The following SYTL5 variants were observed in gnomAD, a reference collection of about 807,000 sequenced individuals.
SYTL5 encodes the protein synaptotagmin like 5, also known as synaptotagmin-like protein 5.
SYTL5 carries 34 observed loss-of-function variants against 55.9 expected under a neutral mutation model. That is an observed-to-expected ratio of 0.61 (90% CI 0.46 to 0.81). The LOEUF (loss-of-function observed/expected upper bound fraction) is 0.81. SYTL5 is among the 30% of genes least tolerant of loss of function. SYTL5 has a pLI of 0.00. For missense variants in SYTL5, 637 were observed against 546.7 expected (o/e 1.17, Z -1.65); for synonymous variants, 221 against 188.7 (o/e 1.17, Z -1.40).
chrX:38,093,578 C>T (rs942114827), intron 7 of SYTL5, among the ~76,000 whole-genome samples: 2 of 110,760 alleles, frequency 1.8e-5, no homozygotes, highest in Admixed American at 9.6e-5. Flanking sequence ...TGGTCATGGG[C>T]GAAGTCGGGA....
chrX:37,997,215 C>G, the SYTL5 span, among the ~76,000 whole-genome samples: 1 of 112,414 alleles, frequency 8.9e-6, no homozygotes, highest in Non-Finnish European at 1.9e-5. Flanking sequence ...GAGCCATGAC[C>G]AGGGCTGCAC....
intron 6 of SYTL5, among the ~76,000 whole-genome samples, chrX:38,083,345 G>A (rs988969391): frequency 4.5e-5 from 5 of 111,792 alleles, no homozygotes; most frequent in African/African-American, 1.6e-4. Context: ...ATTTTAGAGG[G>A]AGTCTTCTTA....
chrX:38,098,235 C>T (rs1936987860), intron 9 of SYTL5, among the ~76,000 whole-genome samples: 1 of 111,187 alleles, frequency 9.0e-6, no homozygotes, highest in Non-Finnish European at 1.9e-5. Flanking sequence ...CTTCAAAAGA[C>T]ACCACTACAG....
chrX:37,938,026 A>G, the SYTL5 span, among the ~76,000 whole-genome samples: 3 of 112,261 alleles, frequency 2.7e-5, no homozygotes, highest in Admixed American at 2.8e-4. Context: ...TACATAGATG[A>G]TTGGGGGAAT....
the SYTL5 span, among the ~76,000 whole-genome samples, chrX:37,948,304 T>C: frequency 9.0e-6 from 1 of 110,737 alleles, no homozygotes; most frequent in Non-Finnish European, 1.9e-5. Context: ...TTAGTTGTTC[T>C]AGAATTTAAA....
intron 3 of SYTL5, among the ~76,000 whole-genome samples, chrX:38,064,511 T>C (rs922583973): frequency 9.0e-6 from 1 of 111,696 alleles, no homozygotes; most frequent in African/African-American, 3.2e-5. Context: ...TTATGTGTAT[T>C]GCACAATTTT....
intron 1 of SYTL5, among the ~76,000 whole-genome samples, chrX:38,030,749 T>C (rs761955232): frequency 2.7e-4 from 30 of 112,515 alleles, no homozygotes; most frequent in African/African-American, 9.7e-4. Context: ...CCTTTGATGC[T>C]GAGCTACAGC....
chrX:38,024,061 A>G (rs1934666122), intron 1 of SYTL5: 1 of 109,625 alleles, frequency 9.1e-6, no homozygotes, highest in African/African-American at 3.3e-5. Flanking sequence ...AAAAAAAAAT[A>G]TTTAACTTGG....
chrX:37,951,740 A>G, the SYTL5 span, among the ~76,000 whole-genome samples: 5 of 111,582 alleles, frequency 4.5e-5, no homozygotes, highest in Admixed American at 2.9e-4. Context: ...AGAGTTAGCT[A>G]GGGCCAGACC....
At chrX:37,891,880 T>C in the SYTL5 span, among the ~76,000 whole-genome samples, 7 of 111,748 alleles carry the variant, frequency 6.3e-5, no homozygotes, top group Admixed American at 3.8e-4. Context: ...GAAAAGCAAA[T>C]CTGGGAGCAA....
the SYTL5 span, among the ~76,000 whole-genome samples, chrX:37,892,069 C>T: frequency 1.2e-4 from 13 of 111,373 alleles, no homozygotes; most frequent in African/African-American, 2.9e-4. Flanking sequence ...AACAAAGACA[C>T]GTGAAACAGA....
chrX:37,957,076 C>T, the SYTL5 span, among the ~76,000 whole-genome samples: 4 of 110,946 alleles, frequency 3.6e-5, no homozygotes, highest in African/African-American at 1.3e-4. Context: ...CATGGCCATT[C>T]GTATGTCTTG....
Position 38,122,221 on chromosome X carries a change from T to A in SYTL5, c.1841+6T>A, listed in dbSNP as rs56406900. On this transcript the variant is annotated splice_donor_region_variant and intron_variant, in intron 15 of 16. Coordinates refer to ENST00000297875, the MANE Select transcript of SYTL5 (RefSeq NM_138780.3). ...TCTGATAGCTTTGTGAAGGGGTAACTTTGTTTTAGCTCTTTTTGGATGATA... is the reference window on the plus strand; with the variant it reads ...TCTGATAGCTTTGTGAAGGGGTAACATTGTTTTAGCTCTTTTTGGATGATA... 264,816 of 1,199,795 alleles carry A rather than the reference T, an allele frequency of 0.22. 25,559 individuals are homozygous for A. Among genetic ancestry groups the A allele is most frequent in the African/African-American group, 0.67 (38,002 of 56,428 alleles).
intron 1 of SYTL5, among the ~76,000 whole-genome samples, chrX:38,027,829 T>C (rs1480654003): frequency 9.3e-6 from 1 of 107,439 alleles, no homozygotes; most frequent in Non-Finnish European, 1.9e-5. Context: ...TTCTTCTTTT[T>C]TTTTTTTTTT....
At position 38,102,398 on chromosome X, in the gene SYTL5, TACAA is replaced by T. The variant is rs1223071151; in HGVS notation, c.1123_1126del (p.Asn375LeufsTer16). On this transcript the variant is annotated frameshift_variant, in exon 10 of 17. Transcript: ENST00000297875. LOFTEE classifies it high-confidence loss of function. ...ATGCCTTAGTGTCCTCGCAGTTATCTACAAACACTCACCGTCTGGCAAGTGGCCT... is the reference window on the plus strand; with the variant it reads ...ATGCCTTAGTGTCCTCGCAGTTATCTACACTCACCGTCTGGCAAGTGGCCT... The T allele has an allele frequency of 8.3e-7, 1 of 1,207,044 alleles. No homozygotes were observed. The highest frequency in any genetic ancestry group is 1.8e-5 in the African/African-American group (1 of 57,139).
chrX:38,008,362 C>A (rs1461504141), intron 1 of SYTL5, among the ~76,000 whole-genome samples: 1 of 111,550 alleles, frequency 9.0e-6, no homozygotes, highest in Non-Finnish European at 1.9e-5. Flanking sequence ...TCGTTCCATT[C>A]CTGGTTATCT....
chrX:37,975,417 C>A, the SYTL5 span, among the ~76,000 whole-genome samples: 2 of 111,926 alleles, frequency 1.8e-5, no homozygotes, highest in African/African-American at 6.5e-5. Context: ...AAAGCATTGA[C>A]AGCACCTTCA....
chrX:37,923,817 A>T, the SYTL5 span, among the ~76,000 whole-genome samples: 1 of 111,794 alleles, frequency 8.9e-6, no homozygotes, highest in Non-Finnish European at 1.9e-5. Context: ...TTTATTAATT[A>T]CCTTGGTAGA....
chrX:37,975,541 G>T, the SYTL5 span, among the ~76,000 whole-genome samples: 7 of 111,853 alleles, frequency 6.3e-5, no homozygotes, highest in Admixed American at 4.7e-4. Context: ...TATATTGGTT[G>T]CCATGATTGC....
Sources: allele counts gnomAD v4.1 joint callset (sites outside exome capture counted in the v4.1 genomes callset), GRCh38; gene constraint gnomAD v4.1.1; transcripts MANE v1.5; gene names NCBI Gene and HGNC (gene_info 2026-07-23, HGNC 2026-07-21).